HERC1: variants seen among roughly 807,000 people sequenced by gnomAD.
HERC1 encodes the protein HECT and RLD domain containing E3 ubiquitin protein ligase family member 1.
Under a neutral mutation model 554.3 loss-of-function variants are expected in HERC1, and 160 were observed. The observed-to-expected ratio is 0.29, with a 90% CI of 0.25 to 0.33. The LOEUF (loss-of-function observed/expected upper bound fraction) is 0.33, where lower values mean the gene tolerates loss of function less well. Among genes scored for constraint, HERC1 ranks in the 10% least tolerant of loss-of-function variants. The pLI, the probability that HERC1 is intolerant of heterozygous loss-of-function variation, is 1.00. For missense variants in HERC1, 4,919 were observed against 5,918.5 expected (o/e 0.83, Z 5.54); for synonymous variants, 2,175 against 2,131.7 (o/e 1.02, Z -0.56).
At chr15:63,689,567 C>A (rs2071985307) in intron 33 of HERC1, 22 bp downstream of exon 33, 1 of 1,325,408 alleles carries the variant, frequency 7.5e-7, no homozygotes, top group Non-Finnish European at 1.1e-6. Flanking sequence ...TTAAGAAATA[C>A]CTTTTAGGAA....
chr15:63,801,965 A>G (rs2077002851), intron 1 of HERC1, among the ~76,000 whole-genome samples: 1 of 152,224 alleles, frequency 6.6e-6, no homozygotes. Flanking sequence ...GGAATCTCTA[A>G]CACATCATGT....
chr15:63,757,864 C>T (rs2075481844), intron 4 of HERC1, among the ~76,000 whole-genome samples: 1 of 152,030 alleles, frequency 6.6e-6, no homozygotes, highest in African/African-American at 2.4e-5. Context: ...CATGCGCCAC[C>T]ATGCCTGGCT....
Position 63,758,311 on chromosome 15 carries a change from G to T in HERC1, c.1085C>A (p.Thr362Asn), listed in dbSNP as rs1364463634. The stretch of plus-strand genomic sequence containing the variant: ...TTCGGAGACAATGGGAGCATCACCA[G>T]TCTGAATGCTATCTGGGCTAGCACA... ...RTCASPDSIQ[T>N]GDAPIVSETC... The change falls in exon 4 of 78, where the codon ACT becomes AAT. Residue 362 changes from threonine (T) to asparagine (N), a missense_variant. Transcript: ENST00000443617. The surrounding 1 kb of genome is among the most constrained non-coding windows in gnomAD (Gnocchi z 4.0). The T allele has an allele frequency of 6.2e-7, 1 of 1,612,926 alleles. No homozygotes were observed. Among genetic ancestry groups the T allele is most frequent in the African/African-American group, 1.3e-5 (1 of 74,892 alleles).
chr15:63,631,134 A>C (rs879533414), intron 68 of HERC1, among the ~76,000 whole-genome samples: 1 of 152,168 alleles, frequency 6.6e-6, no homozygotes, highest in Non-Finnish European at 1.5e-5. Flanking sequence ...ACATGCCACC[A>C]TGCCTGGCTA....
chr15:63,783,322 G>C (rs1229513347), intron 1 of HERC1, among the ~76,000 whole-genome samples: 1 of 152,050 alleles, frequency 6.6e-6, no homozygotes, highest in Non-Finnish European at 1.5e-5. Flanking sequence ...CGATCAGTCA[G>C]CAGCCATTAA....
chr15:63,813,311 GACACACACACACACACAC>G (rs10534978), intron 1 of HERC1, among the ~76,000 whole-genome samples: 1 of 139,506 alleles, frequency 7.2e-6, no homozygotes, highest in African/African-American at 2.7e-5. Context: ...ATCAGAGATG[GACACACACACACACACAC>G]ACACACACAC....
chr15:63,678,447 C>T, intron 36 of HERC1, 82 bp from the exon 37 acceptor site: 1 of 1,432,476 alleles, frequency 7.0e-7, no homozygotes, highest in South Asian at 1.5e-5. Flanking sequence ...TGTAGAATCC[C>T]ATGTTGAACT....
rs1418564750 is a variant in HERC1 at position 63,612,626 on chromosome 15, G to T, written c.14095-70C>A. 9 of 1,479,628 alleles carry T rather than the reference G, an allele frequency of 6.1e-6. No homozygotes were observed. The highest frequency in any genetic ancestry group is 8.3e-6 in the Non-Finnish European group (9 of 1,087,714). The allele number at this position is 1,479,628 out of a possible 1,614,324, so 91.7% of individuals were successfully genotyped here. A position where few individuals can be genotyped will look rare whatever the true frequency, so the allele number is the denominator to read the frequency against. Reference sequence around the variant, plus strand: ...TGGCACCCACCAAGGGCCCTGTGGGGCTAGGCGCCTCCTGATGCCTGCTCG... The same window carrying T: ...TGGCACCCACCAAGGGCCCTGTGGGTCTAGGCGCCTCCTGATGCCTGCTCG... On this transcript the variant is annotated intron_variant, in intron 76 of 77. Transcript: ENST00000443617. This position sits in a 1 kb window ranked among gnomAD's most constrained non-coding sequence, Gnocchi z 5.0.
At chr15:63,720,103 C>CATTTTTTTTTTTTTTTTTT (rs2073747290) in intron 19 of HERC1, among the ~76,000 whole-genome samples, 1 of 71,608 alleles carries the variant, frequency 1.4e-5, no homozygotes, top group South Asian at 4.2e-4. Flanking sequence ...TTTTTCTTCC[C>CATTTTTTTTTTTTTTTTTT]TTTTTTTTTT....
At chr15:63,725,953 C>A (rs1033821030) in intron 17 of HERC1, among the ~76,000 whole-genome samples, 1 of 151,916 alleles carries the variant, frequency 6.6e-6, no homozygotes, top group Admixed American at 6.6e-5. Context: ...ATACTAAGAT[C>A]CAGACCCATG....
At chr15:63,702,488 A>T (rs1476203694) in intron 25 of HERC1, among the ~76,000 whole-genome samples, 1 of 152,244 alleles carries the variant, frequency 6.6e-6, no homozygotes, top group Non-Finnish European at 1.5e-5. Context: ...ATATCCCACA[A>T]CTTTTCACTG....
At chr15:63,627,798 C>G (rs1254469377) in intron 70 of HERC1, among the ~76,000 whole-genome samples, 1 of 152,116 alleles carries the variant, frequency 6.6e-6, no homozygotes, top group Non-Finnish European at 1.5e-5. Context: ...AGAAAGGGCC[C>G]ACAGTTGGGT....
At chr15:63,610,753 G>A (rs118046941) in intron 77 of HERC1, among the ~76,000 whole-genome samples, 1,981 of 152,356 alleles carry the variant, frequency 0.013, 23 homozygotes, top group East Asian at 0.023. Flanking sequence ...TAAACTGGCA[G>A]GAAGGGCCTG....
At chr15:63,751,733 G>A (rs116251656) in intron 8 of HERC1, among the ~76,000 whole-genome samples, 3,171 of 151,962 alleles carry the variant, frequency 0.021, 111 homozygotes, top group African/African-American at 0.074. Context: ...TTTTTTTCAC[G>A]CATATATATT....
chr15:63,634,946 A>G (rs948787487), intron 65 of HERC1, 58 bp from the exon 66 acceptor site: 5 of 1,344,628 alleles, frequency 3.7e-6, no homozygotes, highest in Non-Finnish European at 5.1e-6. Flanking sequence ...GAAAAAAGTA[A>G]ATCTGCCATT....
chr15:63,654,908 T>G (rs1157364217), intron 50 of HERC1, among the ~76,000 whole-genome samples: 1 of 152,054 alleles, frequency 6.6e-6, no homozygotes, highest in Non-Finnish European at 1.5e-5. Flanking sequence ...TCAATAGTCT[T>G]TGCTCCAAGG....
intron 69 of HERC1, among the ~76,000 whole-genome samples, chr15:63,630,042 A>G (rs1335100938): frequency 6.6e-6 from 1 of 152,184 alleles, no homozygotes; most frequent in Non-Finnish European, 1.5e-5. Context: ...ATCATATTAT[A>G]AAATATAAAA....
chr15:63,650,645 G>GAATGTACA (rs1334019689), intron 53 of HERC1, among the ~76,000 whole-genome samples: 3 of 152,092 alleles, frequency 2.0e-5, no homozygotes, highest in African/African-American at 7.2e-5. Context: ...GAAAAACACT[G>GAATGTACA]AATGTACAAA....
chr15:63,721,037 GT>G (rs201263833), intron 19 of HERC1, among the ~76,000 whole-genome samples: 15 of 148,876 alleles, frequency 1.0e-4, no homozygotes, highest in African/African-American at 3.4e-4. Context: ...CTTATATCTA[GT>G]TTTTTTTTTA....
Sources: gnomAD v4.1 joint callset for allele counts (sites outside exome capture counted in the v4.1 genomes callset) on GRCh38, gnomAD v4.1.1 for gene constraint, Gnocchi (gnomAD v3.1) non-coding constraint, MANE v1.5 for transcripts, NCBI Gene and HGNC (gene_info 2026-07-23, HGNC 2026-07-21) for gene names.